The following CRAMP1 variants were observed in gnomAD, a reference collection of about 807,000 sequenced individuals.
CRAMP1 encodes the protein protein cramped-like.
Under a neutral mutation model 115.4 loss-of-function variants are expected in CRAMP1, and 50 were observed. The ratio of observed to expected loss-of-function variants is 0.43; its 90% CI spans 0.35 to 0.55. The LOEUF is 0.55. Ranked by LOEUF, CRAMP1 falls within the 20% of genes least tolerant of loss-of-function variation. CRAMP1 has a pLI of 0.01. For synonymous variants in CRAMP1, 866 were observed against 745.4 expected (o/e 1.16, Z -2.64); for missense variants, 1,679 against 1,721.7 (o/e 0.98, Z 0.44).
chr16:1,642,116 C>T (rs574693752), intron 6 of CRAMP1, among the ~76,000 whole-genome samples: 106 of 152,346 alleles, frequency 7.0e-4, no homozygotes, highest in African/African-American at 1.9e-3. Context: ...CAACCAGCCC[C>T]GATCCTTGTG....
Position 1,656,393 on chromosome 16 carries a change from G to A in CRAMP1, c.1636G>A (p.Gly546Ser). The change falls in exon 10 of 21, where the codon GGC becomes AGC. Residue 546 changes from glycine (G) to serine (S), a missense_variant. Gly to Ser is a moderately conservative substitution (Grantham distance 56). Coordinates refer to ENST00000397412, the MANE Select transcript of CRAMP1 (RefSeq NM_020825.4). The surrounding 1 kb of genome is among the most constrained non-coding windows in gnomAD (Gnocchi z 5.6). ...REPGALPCAC[G>S]QLPDLEDELS... is the part of the protein sequence containing the mutation. ...GCCAGGGGCCTTGCCGTGTGCCTGT[G>A]GCCAGCTCCCAGACCTGGAGGACGA... 1 of 1,594,738 alleles carries A rather than the reference G, an allele frequency of 6.3e-7. No homozygotes were observed. Among genetic ancestry groups the A allele is most frequent in the Non-Finnish European group, 8.5e-7 (1 of 1,170,798 alleles).
In CRAMP1 at chr16:1,666,440, C is replaced by T. The variant is rs1163653973; in HGVS notation, c.2876C>T (p.Ala959Val). The change falls in exon 16 of 21, where the codon GCT becomes GTT. Residue 959 changes from alanine to valine, a missense_variant. By Grantham distance (64) the Ala-to-Val change is moderately conservative (BLOSUM62 0). Transcript: ENST00000397412. This position sits in a 1 kb window ranked among gnomAD's most constrained non-coding sequence, Gnocchi z 5.0. ...TTGCCAGGTGCTATCGACTTAGCAG[C>T]TACAAGTGCCGGCATCCTTTCCGGG... ...SHLASAIDLA[A>V]TSAGILSGNP... 1 of 1,613,396 alleles carries T rather than the reference C, an allele frequency of 6.2e-7. No homozygotes were observed. The highest frequency in any genetic ancestry group is 8.5e-7 in the Non-Finnish European group (1 of 1,179,604).
rs1387812704 is a variant in CRAMP1, at chr16:1,676,430, C to T, written c.*2385C>T. The T allele has an allele frequency of 6.6e-6, 1 of 152,262 alleles. No homozygotes were observed. The highest frequency in any genetic ancestry group is 1.5e-5 in the Non-Finnish European group (1 of 68,046). 9.4% of individuals were successfully genotyped at this position (152,262 alleles called of 1,614,324 possible). ...AATGGTGTCATTTGTTGCAGAAAAA[C>T]AATGGATACATTTTCTTCTGGCCTA... On this transcript the variant is annotated 3_prime_UTR_variant, in exon 21 of 21. Coordinates refer to ENST00000397412, the MANE Select transcript of CRAMP1 (RefSeq NM_020825.4).
At chr16:1,640,133 A>C (rs888583473) in intron 5 of CRAMP1, among the ~76,000 whole-genome samples, 4 of 152,112 alleles carry the variant, frequency 2.6e-5, no homozygotes, top group African/African-American at 4.8e-5. Context: ...TTCCGTTTCC[A>C]TCTGGCTTTG....
At chr16:1,646,898 G>A (rs2036679885) in intron 6 of CRAMP1, 1 of 571,950 alleles carries the variant, frequency 1.7e-6, no homozygotes, top group African/African-American at 1.9e-5. Flanking sequence ...CATCTGAAAG[G>A]ACTGTCTCTC....
Position 1,656,768 on chromosome 16 carries a change from C to T in CRAMP1, c.2011C>T (p.Gln671Ter). 1 of 1,547,656 alleles carries T rather than the reference C, an allele frequency of 6.5e-7. No homozygotes were observed. The highest frequency in any genetic ancestry group is 8.7e-7 in the Non-Finnish European group (1 of 1,144,906). The change falls in exon 10 of 21, where the codon CAG becomes TAG. Residue 671 changes from glutamine to a stop codon, truncating the protein, a stop_gained. Transcript: ENST00000397412. LOFTEE classifies it high-confidence loss of function. The surrounding 1 kb of genome is among the most constrained non-coding windows in gnomAD (Gnocchi z 5.6). ...GGAGGTCCCCGCCAGCCGGCTGGCTCAGCAGCTCCGTGAGGAGGGCTGGAA... is the reference window on the plus strand; with the variant it reads ...GGAGGTCCCCGCCAGCCGGCTGGCTTAGCAGCTCCGTGAGGAGGGCTGGAA... ...PKEVPASRLA[Q>*]QLREEGWNLQ...
chr16:1,651,759 T>G, intron 6 of CRAMP1, among the ~76,000 whole-genome samples: 2 of 139,878 alleles, frequency 1.4e-5, no homozygotes, highest in South Asian at 2.3e-4. Context: ...CATAGAGAGG[T>G]GGACTGAGGT....
At chr16:1,618,282 C>CTAAA (rs1241521962) in intron 2 of CRAMP1, among the ~76,000 whole-genome samples, 3 of 152,056 alleles carry the variant, frequency 2.0e-5, no homozygotes, top group South Asian at 2.1e-4. Context: ...GACTTAGTCT[C>CTAAA]TAAATAAATA....
At chr16:1,636,496 C>T (rs2036589615) in intron 4 of CRAMP1, among the ~76,000 whole-genome samples, 1 of 152,176 alleles carries the variant, frequency 6.6e-6, no homozygotes, top group Non-Finnish European at 1.5e-5. Flanking sequence ...ACCCATGGTC[C>T]AGAATCCTCC....
chr16:1,615,405 G>A (rs1041453155), intron 2 of CRAMP1, among the ~76,000 whole-genome samples: 1 of 152,168 alleles, frequency 6.6e-6, no homozygotes, highest in African/African-American at 2.4e-5. Context: ...GAAACTCATT[G>A]GGGGGAAGAT....
intron 6 of CRAMP1, among the ~76,000 whole-genome samples, chr16:1,650,302 C>T (rs1276776496): frequency 1.3e-5 from 2 of 152,210 alleles, no homozygotes; most frequent in Admixed American, 1.3e-4. Context: ...CTCCATTAGA[C>T]GCCCTCAGCA....
At chr16:1,670,933 G>A (rs2036917431) in intron 20 of CRAMP1, 124 bp downstream of exon 20, 1 of 858,978 alleles carries the variant, frequency 1.2e-6, no homozygotes, top group Admixed American at 2.4e-5. Flanking sequence ...ACAGGAGACA[G>A]CACGTCCACA....
At chr16:1,660,926 T>A (rs528625714) in intron 11 of CRAMP1, among the ~76,000 whole-genome samples, 21 of 152,278 alleles carry the variant, frequency 1.4e-4, no homozygotes, top group Middle Eastern at 6.8e-3. Context: ...GGAGAATCAC[T>A]TGAACCCGGA....
At chr16:1,668,289 G>T in intron 18 of CRAMP1, 96 bp downstream of exon 18, 1 of 982,696 alleles carries the variant, frequency 1.0e-6, no homozygotes, top group Non-Finnish European at 1.6e-6. Flanking sequence ...CCAGTTTTGT[G>T]ATTTTTACGA....
chr16:1,630,859 G>C (rs533747537), intron 3 of CRAMP1, among the ~76,000 whole-genome samples: 1 of 152,360 alleles, frequency 6.6e-6, no homozygotes, highest in African/African-American at 2.4e-5. Flanking sequence ...TTTCTGTCAA[G>C]AATTCCACAG....
Position 1,656,156 on chromosome 16 carries a change from G to A in CRAMP1, c.1399G>A (p.Gly467Arg), listed in dbSNP as rs375137924. 28 of 1,606,832 alleles carry A rather than the reference G, an allele frequency of 1.7e-5. No individual in the cohort carries two copies. The highest frequency in any genetic ancestry group is 4.0e-5 in the African/African-American group (3 of 74,846). Residue 467 changes from glycine to arginine, a missense_variant, in exon 10 of 21, where the codon GGA (glycine) becomes AGA (arginine). By Grantham distance (125) the Gly-to-Arg change is moderately radical. This residue lies in a region of CRAMP1 where 405 missense variants were observed against 302.6 expected (regional missense o/e 1.34). Transcript: ENST00000397412. This position sits in a 1 kb window ranked among gnomAD's most constrained non-coding sequence, Gnocchi z 5.6. ...GGGCCAGGTGAAATGCCCGCGGAGC[G>A]GAGCTGAGGGCAAGGGTGTGGGGCG... Reference protein sequence around the residue: ...ARGQVKCPRSGAEGKGVGRPP... With the variant: ...ARGQVKCPRSRAEGKGVGRPP...
At chr16:1,660,579 C>T (rs1489912871) in intron 11 of CRAMP1, among the ~76,000 whole-genome samples, 2 of 151,766 alleles carry the variant, frequency 1.3e-5, no homozygotes, top group Admixed American at 6.6e-5. Flanking sequence ...AAATTGTGTT[C>T]CTGGTACATA....
At chr16:1,627,366 G>A (rs1328548596) in intron 3 of CRAMP1, among the ~76,000 whole-genome samples, 2 of 152,110 alleles carry the variant, frequency 1.3e-5, no homozygotes, top group Non-Finnish European at 2.9e-5. Context: ...GGCTGGTCTC[G>A]AACTCCTGAG....
chr16:1,670,447 A>G (rs919660342), intron 19 of CRAMP1: 18 of 533,750 alleles, frequency 3.4e-5, no homozygotes, highest in Non-Finnish European at 5.0e-5. Flanking sequence ...GGACTCGTGG[A>G]AAACAAGGTG....
Sources: gnomAD v4.1 joint callset for allele counts (sites outside exome capture counted in the v4.1 genomes callset) on GRCh38, gnomAD v4.1.1 for gene constraint, gnomAD v4.1.1 regional missense constraint, Gnocchi (gnomAD v3.1) non-coding constraint, MANE v1.5 for transcripts, NCBI Gene and HGNC (gene_info 2026-07-23, HGNC 2026-07-21) for gene names.